CLEC12A: variants seen among roughly 807,000 people sequenced by gnomAD.
CLEC12A encodes C-type lectin protein CLL-1.
A neutral mutation model predicts 26.5 loss-of-function variants in CLEC12A; 22 were observed. The ratio of observed to expected loss-of-function variants is 0.83; its 90% confidence interval spans 0.59 to 1.19. The LOEUF is 1.19. Among genes scored for constraint, CLEC12A ranks in the 50% most tolerant of loss-of-function variants. The pLI is 0.00. For synonymous variants in CLEC12A, 119 were observed against 101.9 expected, an observed-to-expected ratio of 1.17 and a Z score of -1.01; for missense variants, 353 against 315.6, an observed-to-expected ratio of 1.12 and a Z score of -0.90.
At chr12:9,960,011 A>G (rs1863804562) in intron 1 of CLEC12A, among the ~76,000 whole-genome samples, 1 of 152,222 alleles carries the variant, frequency 6.6e-6, no homozygotes, top group Non-Finnish European at 1.5e-5. Context: ...GAAACCAGGG[A>G]ATCGAATCAT....
intron 1 of CLEC12A, among the ~76,000 whole-genome samples, chr12:9,953,823 A>G (rs549318342): frequency 1.4e-5 from 2 of 139,786 alleles, no homozygotes; most frequent in South Asian, 2.3e-4. Context: ...GTCTGTGTAG[A>G]AAGAAGTAGA....
intron 1 of CLEC12A, among the ~76,000 whole-genome samples, chr12:9,955,638 A>G (rs1268293818): frequency 6.6e-6 from 1 of 152,196 alleles, no homozygotes; most frequent in Non-Finnish European, 1.5e-5. Context: ...TCAATACAGA[A>G]AGTTAAATGA....
chr12:9,962,258 T>TC (rs1161697882), intron 1 of CLEC12A, among the ~76,000 whole-genome samples: 4 of 146,496 alleles, frequency 2.7e-5, no homozygotes, highest in African/African-American at 1.0e-4. Flanking sequence ...TTTTTCTTTT[T>TC]TTTTTTTTTT....
At chr12:9,984,311 A>G (rs537128410) in intron 5 of CLEC12A, 7 of 152,334 alleles carry the variant, frequency 4.6e-5, no homozygotes, top group Non-Finnish European at 1.0e-4. Flanking sequence ...TTAATCTAAA[A>G]GGTAATATTT....
chr12:9,999,309 C>G (rs1865127130), downstream of CLEC12A: 1 of 397,106 alleles, frequency 2.5e-6, no homozygotes, highest in Non-Finnish European at 4.5e-6. Context: ...ACCTTGAACA[C>G]AAAAACACAA....
upstream of CLEC12A, among the ~76,000 whole-genome samples, chr12:9,970,420 C>A (rs1591821030): frequency 1.3e-5 from 2 of 152,222 alleles, no homozygotes; most frequent in African/African-American, 4.8e-5. Flanking sequence ...CATTCTCTTT[C>A]ATATGTATAA....
chr12:9,967,290 A>AC (rs1863984096), upstream of CLEC12A, among the ~76,000 whole-genome samples: 1 of 151,548 alleles, frequency 6.6e-6, no homozygotes, highest in Non-Finnish European at 1.5e-5. Flanking sequence ...GGAGGGACCA[A>AC]TGTGTAAAAG....
At chr12:9,984,335 T>C (rs1864686654) in intron 5 of CLEC12A, 1 of 152,406 alleles carries the variant, frequency 6.6e-6, no homozygotes, top group Non-Finnish European at 1.5e-5. Flanking sequence ...ATTTATAAAT[T>C]TGTTTTTAGT....
rs1192064531 is a variant in CLEC12A at position 9,971,691 on chromosome 12, A to G, written c.91+4A>G. 1 of 1,608,450 alleles carries G rather than the reference A, an allele frequency of 6.2e-7. No homozygotes were observed. The highest frequency in any genetic ancestry group is 8.5e-7 in the Non-Finnish European group (1 of 1,177,368). ...ATTGGCAAATTTGGGGAAAAAGGTAAGATTTTGAGTTATGGATGTGTTGTA... is the reference window on the plus strand; with the variant it reads ...ATTGGCAAATTTGGGGAAAAAGGTAGGATTTTGAGTTATGGATGTGTTGTA... On this transcript the variant is annotated splice_donor_region_variant and intron_variant, in intron 1 of 5. Transcript: ENST00000304361.
chr12:9,973,896 C>T (rs1442189850), intron 1 of CLEC12A, among the ~76,000 whole-genome samples: 1 of 152,116 alleles, frequency 6.6e-6, no homozygotes, highest in East Asian at 1.9e-4. Context: ...CACCAATATA[C>T]TCTGCTACTC....
chr12:9,970,260 T>C (rs946086430), upstream of CLEC12A, among the ~76,000 whole-genome samples: 1 of 152,134 alleles, frequency 6.6e-6, no homozygotes, highest in African/African-American at 2.4e-5. Flanking sequence ...TTTTTGTTCA[T>C]TTTGGTTATG....
At chr12:9,989,371 A>AC (rs1484540127), downstream of CLEC12A, among the ~76,000 whole-genome samples, 1 of 151,838 alleles carries the variant, frequency 6.6e-6, no homozygotes, top group Non-Finnish European at 1.5e-5. Flanking sequence ...AATAATAAAA[A>AC]AAAAGAAATT....
intron 1 of CLEC12A, among the ~76,000 whole-genome samples, chr12:9,977,499 A>G (rs1054735193): frequency 6.6e-6 from 1 of 152,172 alleles, no homozygotes; most frequent in Non-Finnish European, 1.5e-5. Flanking sequence ...GCCCCTCTGA[A>G]TATATTCTGT....
chr12:9,967,594 T>G (rs1863991729), upstream of CLEC12A, among the ~76,000 whole-genome samples: 1 of 147,918 alleles, frequency 6.8e-6, no homozygotes, highest in African/African-American at 2.5e-5. Context: ...GAAGAGAGAG[T>G]AGAGACATGG....
the CLEC12A span, among the ~76,000 whole-genome samples, chr12:10,002,609 A>G: frequency 6.6e-6 from 1 of 151,064 alleles, no homozygotes; most frequent in African/African-American, 2.4e-5. Context: ...CGGCCGGCTA[A>G]TTTTTTGTAT....
chr12:9,979,309 A>C (rs1354334945), intron 2 of CLEC12A, 27 bp from the exon 3 acceptor site: 8 of 1,506,314 alleles, frequency 5.3e-6, no homozygotes, highest in Non-Finnish European at 7.2e-6. Flanking sequence ...AGAATTTACA[A>C]TTTTTTGTCA....
chr12:9,970,430 A>G (rs541928131), upstream of CLEC12A, among the ~76,000 whole-genome samples: 5 of 152,260 alleles, frequency 3.3e-5, no homozygotes, highest in East Asian at 9.6e-4. Flanking sequence ...CATATGTATA[A>G]TAATAATACC....
chr12:9,952,194 CGTCTCCCTCTCCCTCTCCCCACG>C (rs1221753875), intron 1 of CLEC12A: 2 of 114,300 alleles, frequency 1.7e-5, no homozygotes, highest in African/African-American at 6.3e-5. Flanking sequence ...TCTCCCTCTC[CGTCTCCCTCTCCCTCTCCCCACG>C]GTCTCCCTCT....
At chr12:9,952,191 C>T (rs1377063954) in intron 1 of CLEC12A, 2 of 109,380 alleles carry the variant, frequency 1.8e-5, no homozygotes, top group Non-Finnish European at 4.0e-5. Flanking sequence ...CCCTCTCCCT[C>T]TCCGTCTCCC....
Sources: allele counts gnomAD v4.1 joint callset (sites outside exome capture counted in the v4.1 genomes callset), GRCh38; gene constraint gnomAD v4.1.1; transcripts MANE v1.5; gene names NCBI Gene and HGNC (gene_info 2026-07-23, HGNC 2026-07-21).